The following VPS35 variants were observed in gnomAD, a reference collection of about 807,000 sequenced individuals.
The protein encoded by VPS35 is vacuolar protein sorting-associated protein 35.
In VPS35, 21 loss-of-function variants were observed where a neutral mutation model predicts 98.1. The ratio of observed to expected loss-of-function variants is 0.21; its 90% CI spans 0.15 to 0.31. VPS35 has a LOEUF of 0.31. VPS35 is among the 10% of genes least tolerant of loss of function. The pLI, the probability that VPS35 is intolerant of heterozygous loss-of-function variation, is 1.00. For synonymous variants in VPS35, 268 were observed against 318.2 expected, an observed-to-expected ratio of 0.84 and a Z score of 1.68; for missense variants, 554 against 950.8, an observed-to-expected ratio of 0.58 and a Z score of 5.49.
intron 6 of VPS35, among the ~76,000 whole-genome samples, chr16:46,678,137 G>A (rs1010432539): frequency 6.6e-6 from 1 of 152,178 alleles, no homozygotes; most frequent in Non-Finnish European, 1.5e-5. Flanking sequence ...TACAAATAAA[G>A]TTTTACTAGA....
rs192047126 is a variant in VPS35 at position 46,681,659 on chromosome 16, A to G, written c.200-159T>C. ...GATGAATTTTAGCCGGACTTTTCTTACTTTAAAATAAGGGTTTTAAAGCAT... is the reference window on the plus strand; with the variant it reads ...GATGAATTTTAGCCGGACTTTTCTTGCTTTAAAATAAGGGTTTTAAAGCAT... On this transcript the variant is annotated intron_variant, in intron 3 of 16. Transcript: ENST00000299138. 1.2e-4 allele frequency: 100 copies of G among 847,550 alleles called. No homozygotes were observed. The Admixed American group carries it at 1.3e-3, about 11-fold the overall frequency. 52.5% of individuals were successfully genotyped at this position (847,550 alleles called of 1,614,324 possible).
In VPS35 at chr16:46,661,008, G is replaced by A. The variant is rs893683406; in HGVS notation, c.2212-357C>T. On this transcript the variant is annotated intron_variant, in intron 16 of 16. Coordinates refer to ENST00000299138, the MANE Select transcript of VPS35 (RefSeq NM_018206.6). This position sits in a 1 kb window ranked among gnomAD's most constrained non-coding sequence, Gnocchi z 4.3. ...GTAATAATACAAAAATTAGCTGGGC[G>A]TGGTGCCGGGCGCCTATAATACCAG... The A allele has an allele frequency of 3.3e-5, 12 of 359,786 alleles. No individual in the cohort carries two copies. The highest frequency in any genetic ancestry group is 1.4e-4 in the East Asian group (2 of 13,804). The allele number at this position is 359,786 out of a possible 1,614,324, so 22.3% of individuals were successfully genotyped here.
chr16:46,674,662 T>TAAAA lies in VPS35; in HGVS notation c.915-6_915-3dup. On this transcript the variant is annotated splice_polypyrimidine_tract_variant and splice_region_variant and intron_variant, in intron 8 of 16. Transcript: ENST00000299138. ...TCACGGTGAGCAAATAAAGCTAATC[T>TAAAA]AAAAAAAAAAAAAACACCCCTTTAT... 1.4e-6 allele frequency: 2 copies of TAAAA among 1,388,340 alleles called. No individual in the cohort carries two copies. Among genetic ancestry groups the TAAAA allele is most frequent in the Non-Finnish European group, 2.0e-6 (2 of 1,013,334 alleles). 86.0% of individuals were successfully genotyped at this position (1,388,340 alleles called of 1,614,324 possible). A position where few individuals can be genotyped will look rare whatever the true frequency, so the allele number is the denominator to read the frequency against.
In VPS35 at chr16:46,669,027, A is replaced by C. The variant is rs1567264486; in HGVS notation, c.1550T>G (p.Phe517Cys). Residue 517 changes from phenylalanine to cysteine, a missense_variant, in exon 13 of 17, where the codon TTT becomes TGT. Around this residue, in one of 5 missense-constraint regions of VPS35, gnomAD observed 254 missense variants for 390.1 expected, o/e 0.65. Transcript: ENST00000299138. The part of the protein sequence containing the change: ...YLILNTARKH[F>C]GAGGNQRIRF... ...AATCCGCTGATTTCCACCAGCTCCAAAATGTTTTCGTGCTGTGTTCAAAAT... is the reference window on the plus strand; with the variant it reads ...AATCCGCTGATTTCCACCAGCTCCACAATGTTTTCGTGCTGTGTTCAAAAT... 2.5e-6 allele frequency: 4 copies of C among 1,614,158 alleles called. No individual in the cohort carries two copies. The highest frequency in any genetic ancestry group is 3.4e-6 in the Non-Finnish European group (4 of 1,180,020).
rs1467381984 is a variant in VPS35, at chr16:46,659,607, C to G, written c.*865G>C. The G allele has an allele frequency of 2.0e-5, 3 of 151,962 alleles. No individual in the cohort carries two copies. 9.4% of individuals were successfully genotyped at this position (151,962 alleles called of 1,614,324 possible). A position where few individuals can be genotyped will look rare whatever the true frequency, so the allele number is the denominator to read the frequency against. ...TGAATATATGAGAATGACTATTAAA[C>G]TCTATAGCCATACTACTAGTACTTT... On this transcript the variant is annotated 3_prime_UTR_variant, in exon 17 of 17. Transcript: ENST00000299138.
At position 46,656,562 on chromosome 16, in the gene VPS35, G is replaced by A. The variant is rs1476224197; in HGVS notation, c.*3910C>T. 6.6e-6 allele frequency: 1 copy of A among 152,176 alleles called. No individual in the cohort carries two copies. Among genetic ancestry groups the A allele is most frequent in the Non-Finnish European group, 1.5e-5 (1 of 68,028 alleles). 9.4% of individuals were successfully genotyped at this position (152,176 alleles called of 1,614,324 possible). Reference sequence around the variant, plus strand: ...TATAGTTTGACTCTCAAACACAATTGATAATACCCCTTTCCCAGCAGTTAT... The same window carrying A: ...TATAGTTTGACTCTCAAACACAATTAATAATACCCCTTTCCCAGCAGTTAT... On this transcript the variant is annotated 3_prime_UTR_variant, in exon 17 of 17. Transcript: ENST00000299138.
chr16:46,689,157 A>G lies in VPS35; in HGVS notation c.-24T>C, dbSNP rs541080284. On this transcript the variant is annotated 5_prime_UTR_variant, in exon 1 of 17. Transcript: ENST00000299138. The stretch of plus-strand genomic sequence containing the variant: ...ATGGCGACTCCCCAGAGCCTGCAGC[A>G]AGCAGCACCCGCCCCGCGCGTAGCC... 6.2e-7 allele frequency: 1 copy of G among 1,606,934 alleles called. No homozygotes were observed. Among genetic ancestry groups the G allele is most frequent in the Admixed American group, 1.7e-5 (1 of 59,334 alleles).
At position 46,681,498 on chromosome 16, in the gene VPS35, T is replaced by C; in HGVS notation, c.202A>G (p.Met68Val). The C allele has an allele frequency of 6.2e-7, 1 of 1,612,374 alleles. No homozygotes were observed. Among genetic ancestry groups the C allele is most frequent in the Non-Finnish European group, 8.5e-7 (1 of 1,179,460 alleles). Residue 68 changes from methionine to valine, a missense_variant and splice_region_variant, in exon 4 of 17, where the codon ATG becomes GTG. Coordinates refer to ENST00000299138, the MANE Select transcript of VPS35 (RefSeq NM_018206.6). ...TAGTGCAGTTCATCAGAAATGGCCATATCTTTTAATTATGATTAAGGACTA... is the reference window on the plus strand; with the variant it reads ...TAGTGCAGTTCATCAGAAATGGCCACATCTTTTAATTATGATTAAGGACTA... ...LSPKSYYELY[M>V]AISDELHYLE...
rs572059548 is a variant in VPS35 at position 46,668,458 on chromosome 16, A to G, written c.1647+472T>C. Among the ~76,000 whole-genome samples, 174 of 152,304 alleles carry G rather than the reference A, an allele frequency of 1.1e-3. 1 individual carries two copies. Among genetic ancestry groups the G allele is most frequent in the African/African-American group, 4.0e-3 (168 of 41,556 alleles). On this transcript the variant is annotated intron_variant, in intron 13 of 16. Coordinates refer to ENST00000299138, the MANE Select transcript of VPS35 (RefSeq NM_018206.6). ...TTCCTTAACATTAACCTGAATGTCC[A>G]ACTTTCAGGTACGTGAGCTTGAGGT...
intron 12 of VPS35, among the ~76,000 whole-genome samples, chr16:46,669,535 C>T (rs1329938931): frequency 6.6e-6 from 1 of 151,746 alleles, no homozygotes; most frequent in African/African-American, 2.4e-5. Context: ...GGCATGGTGG[C>T]GCACACCCGT....
chr16:46,685,759 A>G (rs533647126), intron 1 of VPS35, among the ~76,000 whole-genome samples: 1 of 152,318 alleles, frequency 6.6e-6, no homozygotes, highest in East Asian at 1.9e-4. Context: ...CTCTGGACGC[A>G]ATAGATTTAA....
intron 12 of VPS35, 114 bp from the exon 13 acceptor site, chr16:46,669,166 C>G: frequency 1.5e-6 from 2 of 1,353,640 alleles, no homozygotes; most frequent in Non-Finnish European, 2.1e-6. Context: ...TACAATGTAC[C>G]ATACTTTATG....
Position 46,678,927 on chromosome 16 carries a change from AC to A in VPS35, c.720+15del. 6.2e-7 allele frequency: 1 copy of A among 1,612,806 alleles called. No individual in the cohort carries two copies. The highest frequency in any genetic ancestry group is 8.5e-7 in the Non-Finnish European group (1 of 1,178,984). On this transcript the variant is annotated intron_variant, in intron 6 of 16. Coordinates refer to ENST00000299138, the MANE Select transcript of VPS35 (RefSeq NM_018206.6). ...TTATCTCTGAACATAAGAAGAGGTA[AC>A]AAAAATATATAAACCTGTTTGTAAC...
At chr16:46,683,729 C>G (rs1183501846) in intron 1 of VPS35, 123 bp from the exon 2 acceptor site, 3 of 1,085,588 alleles carry the variant, frequency 2.8e-6, no homozygotes, top group Non-Finnish European at 4.1e-6. Context: ...ACCCATTTAC[C>G]AAATTTTTTT....
intron 13 of VPS35, among the ~76,000 whole-genome samples, 172 bp from the exon 14 acceptor site, chr16:46,663,334 A>C (rs2143005994): frequency 6.6e-6 from 1 of 152,358 alleles, no homozygotes; most frequent in East Asian, 1.9e-4. Context: ...TGTCTTCTCA[A>C]AACATCATTT....
intron 2 of VPS35, 190 bp from the exon 3 acceptor site, chr16:46,682,365 A>G: frequency 1.8e-6 from 1 of 565,766 alleles, no homozygotes; most frequent in Non-Finnish European, 3.2e-6. Flanking sequence ...AAAGAAAAAG[A>G]TACATGATTC....
chr16:46,677,951 T>C (rs1295691748), intron 6 of VPS35, among the ~76,000 whole-genome samples: 1 of 152,228 alleles, frequency 6.6e-6, no homozygotes, highest in Non-Finnish European at 1.5e-5. Context: ...CTATATGGTA[T>C]GAGGGATGGG....
intron 11 of VPS35, 127 bp downstream of exon 11, chr16:46,672,138 A>G: frequency 1.2e-6 from 1 of 848,420 alleles, no homozygotes; most frequent in Non-Finnish European, 1.8e-6. Context: ...TAATTTATAT[A>G]ATGAAAAAGT....
intron 1 of VPS35, 77 bp downstream of exon 1, chr16:46,689,054 T>G (rs1247183228): frequency 6.3e-7 from 1 of 1,577,900 alleles, no homozygotes; most frequent in African/African-American, 1.3e-5. Flanking sequence ...CTCCACTCGC[T>G]GGAGTGCGGG....
Sources: gnomAD v4.1 joint callset for allele counts (sites outside exome capture counted in the v4.1 genomes callset) on GRCh38, gnomAD v4.1.1 for gene constraint, gnomAD v4.1.1 regional missense constraint, Gnocchi (gnomAD v3.1) non-coding constraint, MANE v1.5 for transcripts, NCBI Gene and HGNC (gene_info 2026-07-23, HGNC 2026-07-21) for gene names.